MAPKAPK2: variants seen among roughly 807,000 people sequenced by gnomAD.
The protein encoded by MAPKAPK2 is MAP kinase-activated protein kinase 2.
MAPKAPK2 carries 9 observed loss-of-function variants against 48.8 expected under a neutral mutation model. The observed-to-expected ratio is 0.18, with a 90% confidence interval of 0.11 to 0.32. The LOEUF (loss-of-function observed/expected upper bound fraction) is 0.32, where lower values mean the gene tolerates loss of function less well. Among genes scored for constraint, MAPKAPK2 ranks in the 10% least tolerant of loss-of-function variants. The probability of loss-of-function intolerance (pLI) is 1.00; values close to 1 mark genes in which losing one functional copy is unlikely to be tolerated. For synonymous variants in MAPKAPK2, 202 were observed against 190.6 expected (o/e 1.06, Z -0.49); for missense variants, 331 against 498.3 (o/e 0.66, Z 3.20).
chr1:206,706,831 T>A (rs553445653), intron 1 of MAPKAPK2, among the ~76,000 whole-genome samples: 1 of 152,312 alleles, frequency 6.6e-6, no homozygotes, highest in East Asian at 1.9e-4. Context: ...GCTGAGCATT[T>A]ACCTGCAGCC....
intron 1 of MAPKAPK2, among the ~76,000 whole-genome samples, chr1:206,722,387 CAAAG>C (rs1410109808): frequency 3.3e-5 from 5 of 152,000 alleles, no homozygotes; most frequent in South Asian, 4.2e-4. Flanking sequence ...CAAAAAAAAA[CAAAG>C]AAACAAAAGA....
At chr1:206,730,192 A>C in intron 5 of MAPKAPK2, 94 bp downstream of exon 5, 1 of 1,498,658 alleles carries the variant, frequency 6.7e-7, no homozygotes, top group Non-Finnish European at 9.1e-7. Context: ...ATCCTAGGAG[A>C]GTTGTGTCTG....
rs1553432957 is a variant in MAPKAPK2, at chr1:206,732,799, G to A, written c.*81G>A. ...ATTTTTTAAACGAAGAGACAGAACT[G>A]TCCACATCTGCCTCCTCTCCTCCTC... On this transcript the variant is annotated 3_prime_UTR_variant, in exon 10 of 10. Coordinates refer to ENST00000367103, the MANE Select transcript of MAPKAPK2 (RefSeq NM_032960.4). This position sits in a 1 kb window ranked among gnomAD's most constrained non-coding sequence, Gnocchi z 4.4. 2 of 1,478,730 alleles carry A rather than the reference G, an allele frequency of 1.4e-6. No individual in the cohort carries two copies. Among genetic ancestry groups the A allele is most frequent in the Non-Finnish European group, 1.9e-6 (2 of 1,079,154 alleles). The allele number at this position is 1,478,730 out of a possible 1,614,324, so 91.6% of individuals were successfully genotyped here. A position where few individuals can be genotyped will look rare whatever the true frequency, so the allele number is the denominator to read the frequency against.
intron 1 of MAPKAPK2, among the ~76,000 whole-genome samples, chr1:206,697,079 C>T (rs574718057): frequency 6.1e-4 from 93 of 152,348 alleles, no homozygotes; most frequent in African/African-American, 2.0e-3. Context: ...CACAGTTTCT[C>T]ATTGATGCCT....
Position 206,732,690 on chromosome 1 carries a change from C to A in MAPKAPK2, c.1175C>A (p.Ala392Asp), listed in dbSNP as rs1558590699. 3.1e-6 allele frequency: 5 copies of A among 1,614,236 alleles called. No homozygotes were observed. The highest frequency in any genetic ancestry group is 4.2e-6 in the Non-Finnish European group (5 of 1,180,040). ...LLLKRRKKAR[A>D]LEAAALAH ...CTGAAGAGGCGGAAGAAAGCTCGGGCCCTGGAGGCTGCGGCTCTGGCCCAC... is the reference window on the plus strand; with the variant it reads ...CTGAAGAGGCGGAAGAAAGCTCGGGACCTGGAGGCTGCGGCTCTGGCCCAC... Residue 392 changes from alanine to aspartate, a missense_variant, in exon 10 of 10, where the codon GCC (alanine) becomes GAC (aspartate). This residue lies in a region of MAPKAPK2 where 124 missense variants were observed against 194.6 expected (regional missense o/e 0.64). Coordinates refer to ENST00000367103, the MANE Select transcript of MAPKAPK2 (RefSeq NM_032960.4). This position sits in a 1 kb window ranked among gnomAD's most constrained non-coding sequence, Gnocchi z 4.4.
chr1:206,730,799 G>T, intron 6 of MAPKAPK2, 36 bp downstream of exon 6: 1 of 1,581,402 alleles, frequency 6.3e-7, no homozygotes, highest in Non-Finnish European at 8.7e-7. Flanking sequence ...GTGGGGCAGG[G>T]AGTCAGGGCG....
chr1:206,696,751 A>AT (rs1672638186), intron 1 of MAPKAPK2, among the ~76,000 whole-genome samples: 1 of 152,216 alleles, frequency 6.6e-6, no homozygotes, highest in African/African-American at 2.4e-5. Flanking sequence ...TATATGCATT[A>AT]TACTTAGCTG....
chr1:206,695,932 T>C, intron 1 of MAPKAPK2: 1 of 665,844 alleles, frequency 1.5e-6, no homozygotes, highest in South Asian at 1.7e-5. Context: ...GCAAGGGCCC[T>C]GAGGGCCACC....
rs1424297313 is a variant in MAPKAPK2 at position 206,691,504 on chromosome 1, T to TATATATATATATATATATATATACAC, written c.279+5997_279+5998insTATATATATATATATATATATACACA. Among the ~76,000 whole-genome samples, 84 of 112,122 alleles carry TATATATATATATATATATATATACAC rather than the reference T, an allele frequency of 7.5e-4. No individual in the cohort carries two copies. The Middle Eastern group carries it at 0.018, about 24-fold the overall frequency. The allele number at this position is 112,122 out of a possible 152,430, so 73.6% of individuals were successfully genotyped here. ...TAAGATATATATATATATATATATA[T>TATATATATATATATATATATATACAC]ACACACATACACAGATATAGATATG... On this transcript the variant is annotated intron_variant, in intron 1 of 9. Transcript: ENST00000367103.
At position 206,704,339 on chromosome 1, in the gene MAPKAPK2, C is replaced by T. The variant is rs937791251; in HGVS notation, c.279+18831C>T. On this transcript the variant is annotated intron_variant, in intron 1 of 9. Coordinates refer to ENST00000367103, the MANE Select transcript of MAPKAPK2 (RefSeq NM_032960.4). The surrounding 1 kb of genome is among the most constrained non-coding windows in gnomAD (Gnocchi z 4.3). The stretch of plus-strand genomic sequence containing the variant: ...GGTCGGATGGGGTCTCCCAGGGTCC[C>T]CTTGCTGGGCACGCTTGGCAGGCAT... 6.6e-6 allele frequency among the ~76,000 whole-genome samples: 1 copy of T among 152,176 alleles called. No individual in the cohort carries two copies. Among genetic ancestry groups the T allele is most frequent in the Admixed American group, 6.5e-5 (1 of 15,290 alleles).
intron 1 of MAPKAPK2, among the ~76,000 whole-genome samples, chr1:206,711,016 G>T (rs143693536): frequency 6.6e-6 from 1 of 152,068 alleles, no homozygotes; most frequent in South Asian, 2.1e-4. Flanking sequence ...TTTAAATGTC[G>T]TGGAAAAATC....
In MAPKAPK2 at chr1:206,714,489, G is replaced by T. The variant is rs116227243; in HGVS notation, c.280-14221G>T. ...AAACAAACAAAAGTGCCGGCTGGAC[G>T]CAGTGGCTCATGCTGGTAATCCCAG... On this transcript the variant is annotated intron_variant, in intron 1 of 9. Coordinates refer to ENST00000367103, the MANE Select transcript of MAPKAPK2 (RefSeq NM_032960.4). Among the ~76,000 whole-genome samples the T allele has an allele frequency of 6.6e-5, 10 of 152,042 alleles. No individual in the cohort carries two copies. The East Asian group carries it at 1.9e-3, about 29-fold the overall frequency.
intron 1 of MAPKAPK2, among the ~76,000 whole-genome samples, chr1:206,718,728 C>T (rs1558583856): frequency 6.6e-6 from 1 of 152,092 alleles, no homozygotes; most frequent in Admixed American, 6.6e-5. Context: ...TCTGACCACC[C>T]TCTTATTGGT....
chr1:206,726,687 T>G (rs781948978), intron 1 of MAPKAPK2, among the ~76,000 whole-genome samples: 12 of 152,238 alleles, frequency 7.9e-5, no homozygotes, highest in Non-Finnish European at 1.5e-4. Context: ...AGGCCTGGAT[T>G]CCAACCTTGG....
In MAPKAPK2 at chr1:206,716,240, C is replaced by T. The variant is rs1244640626; in HGVS notation, c.280-12470C>T. Among the ~76,000 whole-genome samples the T allele has an allele frequency of 2.6e-5, 4 of 152,058 alleles. No individual in the cohort carries two copies. The East Asian group carries it at 5.8e-4, about 22-fold the overall frequency. On this transcript the variant is annotated intron_variant, in intron 1 of 9. Transcript: ENST00000367103. ...GAATTTATTTATCAGGTGCCCTGCT[C>T]GTAGCAGAAGGCATGACCTCGACTT...
Position 206,731,815 on chromosome 1 carries a change from C to G in MAPKAPK2, c.979-24C>G, listed in dbSNP as rs377553675. 1 of 1,613,280 alleles carries G rather than the reference C, an allele frequency of 6.2e-7. No individual in the cohort carries two copies. The highest frequency in any genetic ancestry group is 1.3e-5 in the African/African-American group (1 of 74,878). On this transcript the variant is annotated intron_variant, in intron 8 of 9. Coordinates refer to ENST00000367103, the MANE Select transcript of MAPKAPK2 (RefSeq NM_032960.4). This position sits in a 1 kb window ranked among gnomAD's most constrained non-coding sequence, Gnocchi z 5.9. ...CAGGACCCTACCCCAGGCTTTCACT[C>G]GGACCCCTTTTCTCTCTTCTCAGCA...
rs1321667424 is a variant in MAPKAPK2 at position 206,732,145 on chromosome 1, T to C, written c.1059+226T>C. The C allele has an allele frequency of 2.5e-6, 4 of 1,613,762 alleles. No homozygotes were observed. In the Admixed American group the frequency reaches 6.7e-5, roughly 27 times the overall value. Reference sequence around the variant, plus strand: ...TCAGTGCTGTTTCTTAGAATCCTTTTATTCCCTGGGTCTCTAATGGGACCT... The same window carrying C: ...TCAGTGCTGTTTCTTAGAATCCTTTCATTCCCTGGGTCTCTAATGGGACCT... On this transcript the variant is annotated intron_variant, in intron 9 of 9. Coordinates refer to ENST00000367103, the MANE Select transcript of MAPKAPK2 (RefSeq NM_032960.4). The surrounding 1 kb of genome is among the most constrained non-coding windows in gnomAD (Gnocchi z 4.4).
intron 1 of MAPKAPK2, among the ~76,000 whole-genome samples, chr1:206,699,719 G>T (rs903009239): frequency 1.2e-4 from 18 of 152,180 alleles, no homozygotes; most frequent in African/African-American, 4.3e-4. Context: ...TAGCCTTCTA[G>T]GTGAAGGAGT....
rs1553432632 is a variant in MAPKAPK2, at chr1:206,731,312, G to GTA, written c.892+51_892+52insAT. On this transcript the variant is annotated intron_variant, in intron 7 of 9. Coordinates refer to ENST00000367103, the MANE Select transcript of MAPKAPK2 (RefSeq NM_032960.4). The surrounding 1 kb of genome is among the most constrained non-coding windows in gnomAD (Gnocchi z 5.9). ...AGGGGAAGAGCCCGTGTGTGTGTGTGTGTGTGTATGTGTGTACACGCAGAC... is the reference window on the plus strand; with the variant it reads ...AGGGGAAGAGCCCGTGTGTGTGTGTGTATGTGTGTATGTGTGTACACGCAGAC... The GTA allele has an allele frequency of 6.2e-7, 1 of 1,609,696 alleles. No homozygotes were observed. Among genetic ancestry groups the GTA allele is most frequent in the Non-Finnish European group, 8.5e-7 (1 of 1,177,650 alleles).
Sources: gnomAD v4.1 joint callset for allele counts (sites outside exome capture counted in the v4.1 genomes callset) on GRCh38, gnomAD v4.1.1 for gene constraint, gnomAD v4.1.1 regional missense constraint, Gnocchi (gnomAD v3.1) non-coding constraint, MANE v1.5 for transcripts, NCBI Gene and HGNC (gene_info 2026-07-23, HGNC 2026-07-21) for gene names.